The following TAOK2 variants were observed in gnomAD, a reference collection of about 807,000 sequenced individuals.
The protein encoded by TAOK2 is serine/threonine-protein kinase TAO2.
A neutral mutation model predicts 122.5 loss-of-function variants in TAOK2; 42 were observed. That is an observed-to-expected ratio of 0.34 (90% CI 0.27 to 0.44). TAOK2 has a LOEUF of 0.44. TAOK2 is among the 20% of genes least tolerant of loss of function. TAOK2 has a pLI of 1.00. For missense variants in TAOK2, 1,264 were observed against 1,644.9 expected, an observed-to-expected ratio of 0.77 and a Z score of 4.01; for synonymous variants, 704 against 677.6, an observed-to-expected ratio of 1.04 and a Z score of -0.61.
rs766865419 is a variant in TAOK2, at chr16:29,983,046, T to C, written c.1000-26T>C. ...ATGCCCCAGGGCTTCCCCTTCCCTG[T>C]CCAGCAGCCTACGCCCTGTTCGCAG... On this transcript the variant is annotated intron_variant, in intron 11 of 15. Transcript: ENST00000308893. The C allele has an allele frequency of 3.2e-5, 52 of 1,612,858 alleles. No individual in the cohort carries two copies. The African/African-American group carries it at 6.5e-4, about 20-fold the overall frequency.
At chr16:29,977,537 C>G (rs1166245782) in intron 1 of TAOK2, among the ~76,000 whole-genome samples, 4 of 152,170 alleles carry the variant, frequency 2.6e-5, no homozygotes, top group Admixed American at 6.5e-5. Context: ...ACTCCAGGGA[C>G]CCAGCCCGCG....
rs577691694 is a variant in TAOK2 at position 29,982,690 on chromosome 16, G to T, written c.832-44G>T. On this transcript the variant is annotated intron_variant, in intron 10 of 15. Coordinates refer to ENST00000308893, the MANE Select transcript of TAOK2 (RefSeq NM_016151.4). Reference sequence around the variant, plus strand: ...AATGCCAAGGGCTGTGGGTTGTGGGGGGAAGGGGAGTTGGCAGCAGACCTC... The same window carrying T: ...AATGCCAAGGGCTGTGGGTTGTGGGTGGAAGGGGAGTTGGCAGCAGACCTC... 25 of 1,588,716 alleles carry T rather than the reference G, an allele frequency of 1.6e-5. No homozygotes were observed. The East Asian group carries it at 1.8e-4, about 11-fold the overall frequency.
downstream of TAOK2, chr16:29,989,160 C>T (rs951619234): frequency 2.9e-5 from 29 of 985,160 alleles, no homozygotes; most frequent in Non-Finnish European, 3.5e-5. Flanking sequence ...TTCTCGTGCA[C>T]GTTCTCATAT....
downstream of TAOK2, chr16:29,989,460 C>T (rs1359642460): frequency 6.7e-7 from 1 of 1,497,270 alleles, no homozygotes; most frequent in Non-Finnish European, 8.9e-7. Flanking sequence ...CTCTCCCTGT[C>T]TCTGCTTCTG....
At chr16:29,991,910 T>G, downstream of TAOK2, 1 of 197,530 alleles carries the variant, frequency 5.1e-6, no homozygotes, top group Non-Finnish European at 1.0e-5. The surrounding 1 kb of genome is among the most constrained non-coding windows in gnomAD (Gnocchi z 5.6). Flanking sequence ...TTCAGAGAAC[T>G]ATACTACCCT....
chr16:29,990,587 C>T (rs2069942931), downstream of TAOK2: 2 of 473,138 alleles, frequency 4.2e-6, no homozygotes, highest in Non-Finnish European at 7.3e-6. Context: ...GTGAACACCT[C>T]GAGCACATGT....
Position 29,988,388 on chromosome 16 carries a change from G to GCTT in TAOK2, c.*409_*410insTTC. The GCTT allele has an allele frequency of 7.6e-7, 1 of 1,308,708 alleles. No individual in the cohort carries two copies. Among genetic ancestry groups the GCTT allele is most frequent in the Non-Finnish European group, 1.0e-6 (1 of 1,002,436 alleles). The allele number at this position is 1,308,708 out of a possible 1,614,324, so 81.1% of individuals were successfully genotyped here. A position where few individuals can be genotyped will look rare whatever the true frequency, so the allele number is the denominator to read the frequency against. On this transcript the variant is annotated 3_prime_UTR_variant, in exon 16 of 16. Transcript: ENST00000308893. ...AGACAAACACAAATAAAATATCTGAGCGGAACTGTGCCTTTGGCCCAGGCT... is the reference window on the plus strand; with the variant it reads ...AGACAAACACAAATAAAATATCTGAGCTTCGGAACTGTGCCTTTGGCCCAGGCT...
At position 29,979,583 on chromosome 16, in the gene TAOK2, C is replaced by A; in HGVS notation, c.655+75C>A. Reference sequence around the variant, plus strand: ...TAGTTCCCAGACTCCGGACTACCCCCTTCTCCTAGGGATGGGATCCCAGGC... The same window carrying A: ...TAGTTCCCAGACTCCGGACTACCCCATTCTCCTAGGGATGGGATCCCAGGC... On this transcript the variant is annotated intron_variant, in intron 8 of 15. Coordinates refer to ENST00000308893, the MANE Select transcript of TAOK2 (RefSeq NM_016151.4). This position sits in a 1 kb window ranked among gnomAD's most constrained non-coding sequence, Gnocchi z 4.1. The A allele has an allele frequency of 8.2e-7, 1 of 1,224,338 alleles. No individual in the cohort carries two copies. The highest frequency in any genetic ancestry group is 1.1e-6 in the Non-Finnish European group (1 of 901,122). 75.8% of individuals were successfully genotyped at this position (1,224,338 alleles called of 1,614,324 possible). A position where few individuals can be genotyped will look rare whatever the true frequency, so the allele number is the denominator to read the frequency against.
rs545267917 is a variant in TAOK2, at chr16:29,979,892, A to G, written c.655+384A>G. ...GTGATGAACGCTGTGTGGAGAAGTT[A>G]CAGGAGCGGTTCAAATGTAAAACAG... On this transcript the variant is annotated intron_variant, in intron 8 of 15. Transcript: ENST00000308893. The surrounding 1 kb of genome is among the most constrained non-coding windows in gnomAD (Gnocchi z 4.1). 6.1e-4 allele frequency among the ~76,000 whole-genome samples: 92 copies of G among 151,906 alleles called. No individual in the cohort carries two copies. Among genetic ancestry groups the G allele is most frequent in the Non-Finnish European group, 1.2e-3 (80 of 68,032 alleles).
downstream of TAOK2, chr16:29,989,522 C>T (rs2069915325): frequency 6.2e-7 from 1 of 1,602,544 alleles, no homozygotes; most frequent in Non-Finnish European, 8.5e-7. Flanking sequence ...TGTTCCTCCT[C>T]TTCCTCTTCC....
chr16:29,989,455 C>A, downstream of TAOK2: 1 of 1,491,212 alleles, frequency 6.7e-7, no homozygotes, highest in Non-Finnish European at 8.9e-7. Flanking sequence ...TCTCCCTCTC[C>A]CTGTCTCTGC....
In TAOK2 at chr16:29,987,564, C is replaced by G; in HGVS notation, c.3292C>G (p.Arg1098Gly). The G allele has an allele frequency of 6.2e-7, 1 of 1,612,676 alleles. No individual in the cohort carries two copies. The highest frequency in any genetic ancestry group is 8.5e-7 in the Non-Finnish European group (1 of 1,179,116). Residue 1098 changes from arginine (R) to glycine (G), a missense_variant, in exon 16 of 16, where the codon CGG becomes GGG. Around this residue, in one of 4 missense-constraint regions of TAOK2, gnomAD observed 824 missense variants for 908.7 expected, o/e 0.91. Transcript: ENST00000308893. ...GCTGCGCCTGTCACCCATGGCCTTCCGGGCCCTGCAGGGCTGTGGGGCTGT... is the reference window on the plus strand; with the variant it reads ...GCTGCGCCTGTCACCCATGGCCTTCGGGGCCCTGCAGGGCTGTGGGGCTGT... The part of the protein sequence containing the change: ...VLLRLSPMAF[R>G]ALQGCGAVGD...
rs1006009171 is a variant in TAOK2, at chr16:29,988,034, C to T, written c.*54C>T. The stretch of plus-strand genomic sequence containing the variant: ...AGAGCATTGAGCACTTTATCTCCCA[C>T]GACTCAGTGAAGTTTCTCCAGTCCC... On this transcript the variant is annotated 3_prime_UTR_variant, in exon 16 of 16. Transcript: ENST00000308893. 5.8e-5 allele frequency: 86 copies of T among 1,484,464 alleles called. No individual in the cohort carries two copies. The highest frequency in any genetic ancestry group is 2.2e-4 in the African/African-American group (16 of 71,306). The allele number at this position is 1,484,464 out of a possible 1,614,324, so 92.0% of individuals were successfully genotyped here.
chr16:29,978,182 C>G (rs2069512534), intron 3 of TAOK2, 22 bp downstream of exon 3: 1 of 1,614,052 alleles, frequency 6.2e-7, no homozygotes, highest in South Asian at 1.1e-5. Context: ...GCAATACAGC[C>G]AGGTTGGGGA....
downstream of TAOK2, chr16:29,990,907 A>G: frequency 6.2e-7 from 1 of 1,613,478 alleles, no homozygotes; most frequent in African/African-American, 1.3e-5. Flanking sequence ...CCAGCACGAG[A>G]GGGAGCTGCG....
In TAOK2 at chr16:29,979,909, G is replaced by T. The variant is rs2150887298; in HGVS notation, c.655+401G>T. On this transcript the variant is annotated intron_variant, in intron 8 of 15. Transcript: ENST00000308893. This position sits in a 1 kb window ranked among gnomAD's most constrained non-coding sequence, Gnocchi z 4.1. The stretch of plus-strand genomic sequence containing the variant: ...GAGAAGTTACAGGAGCGGTTCAAAT[G>T]TAAAACAGGGGACTTGACCTAGTTT... 6.6e-6 allele frequency among the ~76,000 whole-genome samples: 1 copy of T among 152,342 alleles called. No individual in the cohort carries two copies. The highest frequency in any genetic ancestry group is 2.1e-4 in the South Asian group (1 of 4,824).
downstream of TAOK2, chr16:29,989,448 C>T (rs993236650): frequency 1.6e-5 from 24 of 1,465,270 alleles, no homozygotes; most frequent in Admixed American, 2.2e-5. Flanking sequence ...CTGTTTCTCT[C>T]CCTCTCCCTG....
chr16:29,977,477 G>C (rs1009875669), intron 1 of TAOK2, among the ~76,000 whole-genome samples: 1 of 152,154 alleles, frequency 6.6e-6, no homozygotes, highest in African/African-American at 2.4e-5. Flanking sequence ...AGCACTGAAG[G>C]GGGTGGTGAG....
chr16:29,989,481 T>C, downstream of TAOK2: 2 of 1,536,980 alleles, frequency 1.3e-6, no homozygotes, highest in Non-Finnish European at 1.8e-6. Context: ...TCTCCTCTCC[T>C]CTTCTCTCTC....
Sources: gnomAD v4.1 joint callset for allele counts (sites outside exome capture counted in the v4.1 genomes callset) on GRCh38, gnomAD v4.1.1 for gene constraint, gnomAD v4.1.1 regional missense constraint, Gnocchi (gnomAD v3.1) non-coding constraint, MANE v1.5 for transcripts, NCBI Gene and HGNC (gene_info 2026-07-23, HGNC 2026-07-21) for gene names.